Variants in AMD1 observed in about 807,000 individuals in gnomAD.
AMD1 encodes the protein adenosylmethionine decarboxylase 1, also known as S-adenosylmethionine decarboxylase proenzyme.
A neutral mutation model predicts 40.2 loss-of-function variants in AMD1; 11 were observed. That is an observed-to-expected ratio of 0.27 (90% CI 0.17 to 0.45). The LOEUF (loss-of-function observed/expected upper bound fraction) is 0.45, where lower values mean the gene tolerates loss of function less well. Among genes scored for constraint, AMD1 ranks in the 20% least tolerant of loss-of-function variants. The probability of loss-of-function intolerance (pLI) is 1.00; values close to 1 mark genes in which losing one functional copy is unlikely to be tolerated. For synonymous variants in AMD1, 121 were observed against 130.8 expected, an observed-to-expected ratio of 0.93 and a Z score of 0.51; for missense variants, 257 against 410.2, an observed-to-expected ratio of 0.63 and a Z score of 3.23.
At chr6:110,858,393 A>G in the AMD1 span, 7 of 845,996 alleles carry the variant, frequency 8.3e-6, no homozygotes, top group Admixed American at 1.7e-5. Flanking sequence ...GACTTCCAGA[A>G]GGGCCTGAAG....
At chr6:110,856,610 C>T in the AMD1 span, 3 of 152,180 alleles carry the variant, frequency 2.0e-5, no homozygotes, top group East Asian at 3.8e-4. Flanking sequence ...AGTAGCATAG[C>T]TGCCCCTGCC....
At chr6:110,877,456 G>A (rs1158317294) in intron 1 of AMD1, among the ~76,000 whole-genome samples, 1 of 152,260 alleles carries the variant, frequency 6.6e-6, no homozygotes, top group Non-Finnish European at 1.5e-5. Context: ...GAGTCCGGTC[G>A]GTGGGGACAT....
At chr6:110,853,463 A>G in the AMD1 span, among the ~76,000 whole-genome samples, 1 of 151,978 alleles carries the variant, frequency 6.6e-6, no homozygotes, top group East Asian at 1.9e-4. Context: ...GCGAGCCACC[A>G]TGCCCAGCTA....
chr6:110,887,392 G>A lies in AMD1; in HGVS notation c.111-113G>A, dbSNP rs558792219. 63 of 645,252 alleles carry A rather than the reference G, an allele frequency of 9.8e-5. 1 individual carries two copies. The South Asian group carries it at 1.3e-3, about 14-fold the overall frequency. 40.0% of individuals were successfully genotyped at this position (645,252 alleles called of 1,614,324 possible). A position where few individuals can be genotyped will look rare whatever the true frequency, so the allele number is the denominator to read the frequency against. ...ATTTTGAAAGAAACTAAAAGTTGGT[G>A]TACAATATTAATTAAAAATGTGGTC... On this transcript the variant is annotated intron_variant, in intron 1 of 8. Coordinates refer to ENST00000368885, the MANE Select transcript of AMD1 (RefSeq NM_001634.6).
chr6:110,860,812 AAAAC>A, the AMD1 span, among the ~76,000 whole-genome samples: 2 of 145,936 alleles, frequency 1.4e-5, no homozygotes, highest in Non-Finnish European at 3.0e-5. Flanking sequence ...AAAAAAAACA[AAAAC>A]AAAACAAAAC....
the AMD1 span, among the ~76,000 whole-genome samples, chr6:110,862,307 T>C: frequency 0.012 from 1,763 of 151,532 alleles, 34 homozygotes; most frequent in African/African-American, 0.041. Context: ...ATTCATAGTA[T>C]TCTGGTTTTG....
At chr6:110,866,254 TAATGGAAATGTAATATAA>T in the AMD1 span, among the ~76,000 whole-genome samples, 1 of 152,196 alleles carries the variant, frequency 6.6e-6, no homozygotes, top group African/African-American at 2.4e-5. Context: ...TTCCATAAAA[TAATGGAAATGTAATATAA>T]AATGGAAATG....
chr6:110,875,255 G>C (rs999410885), intron 1 of AMD1, 40 bp downstream of exon 1: 53 of 1,505,330 alleles, frequency 3.5e-5, no homozygotes, highest in Middle Eastern at 1.7e-4. Context: ...GGGCCTGGGG[G>C]CTGTCGCCGC....
the AMD1 span, among the ~76,000 whole-genome samples, chr6:110,833,238 T>C: frequency 6.6e-6 from 1 of 152,240 alleles, no homozygotes; most frequent in Non-Finnish European, 1.5e-5. Context: ...TAGACATTCA[T>C]AATTTGTGAA....
At chr6:110,815,576 G>GCCACCACAGCCTCGCC in the AMD1 span, 1 of 154,052 alleles carries the variant, frequency 6.5e-6, no homozygotes, top group Non-Finnish European at 1.4e-5. Context: ...GTTACCTCGG[G>GCCACCACAGCCTCGCC]CCACCACAGC....
the AMD1 span, among the ~76,000 whole-genome samples, chr6:110,830,772 G>T: frequency 6.6e-6 from 1 of 152,132 alleles, no homozygotes; most frequent in Non-Finnish European, 1.5e-5. Context: ...CCCAGGCTAA[G>T]CCCCAGTTTG....
In AMD1 at chr6:110,892,725, C is replaced by CCT. The variant is rs1554238000; in HGVS notation, c.616-9_616-8insTC. 11 of 1,454,990 alleles carry CCT rather than the reference C, an allele frequency of 7.6e-6. No homozygotes were observed. The highest frequency in any genetic ancestry group is 4.1e-4 in the Middle Eastern group (2 of 4,834). The allele number at this position is 1,454,990 out of a possible 1,614,324, so 90.1% of individuals were successfully genotyped here. A position where few individuals can be genotyped will look rare whatever the true frequency, so the allele number is the denominator to read the frequency against. On this transcript the variant is annotated splice_polypyrimidine_tract_variant and intron_variant, in intron 6 of 8. Coordinates refer to ENST00000368885, the MANE Select transcript of AMD1 (RefSeq NM_001634.6). ...AACCCTTGTTAAACTCGGTCTTTTTCCCCCCCCAGGAGAGTGGAATTCGTG... is the reference window on the plus strand; with the variant it reads ...AACCCTTGTTAAACTCGGTCTTTTTCCTCCCCCCCAGGAGAGTGGAATTCGTG...
At chr6:110,889,818 A>G (rs970957722) in intron 3 of AMD1, 6 of 154,584 alleles carry the variant, frequency 3.9e-5, no homozygotes, top group African/African-American at 1.4e-4. Flanking sequence ...TTTTGTTGTT[A>G]TGAATTGATC....
At chr6:110,831,918 AC>A in the AMD1 span, among the ~76,000 whole-genome samples, 197 of 151,982 alleles carry the variant, frequency 1.3e-3, no homozygotes, top group Non-Finnish European at 2.5e-3. Flanking sequence ...ATCACAGCTG[AC>A]TGCAACCTCA....
the AMD1 span, among the ~76,000 whole-genome samples, chr6:110,846,032 A>G: frequency 6.6e-6 from 1 of 152,074 alleles, no homozygotes. Flanking sequence ...ACAAGGTCAG[A>G]TGTTCGAGAC....
At chr6:110,882,566 G>A (rs1239790532) in intron 1 of AMD1, among the ~76,000 whole-genome samples, 1 of 152,128 alleles carries the variant, frequency 6.6e-6, no homozygotes, top group East Asian at 1.9e-4. Context: ...CCTCTTTTAT[G>A]TACATGTATA....
chr6:110,828,910 G>T, the AMD1 span, among the ~76,000 whole-genome samples: 2 of 152,128 alleles, frequency 1.3e-5, no homozygotes, highest in African/African-American at 4.8e-5. Context: ...GGTGGTTCAC[G>T]CCTGTAATCC....
the AMD1 span, among the ~76,000 whole-genome samples, chr6:110,830,341 C>A: frequency 3.3e-5 from 5 of 152,006 alleles, no homozygotes; most frequent in African/African-American, 1.2e-4. Context: ...TGTTTCGAGA[C>A]AGGATCTCAC....
At chr6:110,842,241 CTA>C in the AMD1 span, among the ~76,000 whole-genome samples, 5 of 152,154 alleles carry the variant, frequency 3.3e-5, no homozygotes, top group African/African-American at 1.2e-4. Flanking sequence ...TTGTTCCACA[CTA>C]TGTTTTTACC....
Sources: gnomAD v4.1 joint callset for allele counts (sites outside exome capture counted in the v4.1 genomes callset) on GRCh38, gnomAD v4.1.1 for gene constraint, MANE v1.5 for transcripts, NCBI Gene and HGNC (gene_info 2026-07-23, HGNC 2026-07-21) for gene names.